The following ANK1 variants were observed in gnomAD, a reference collection of about 807,000 sequenced individuals.
ANK1 encodes ankyrin 1, also known as ankyrin-1.
Under a neutral mutation model 210.4 loss-of-function variants are expected in ANK1, and 51 were observed. The ratio of observed to expected loss-of-function variants is 0.24; its 90% CI spans 0.19 to 0.31. The LOEUF is 0.31. Among genes scored for constraint, ANK1 ranks in the 10% least tolerant of loss-of-function variants. ANK1 has a pLI of 1.00. For missense variants in ANK1, 2,051 were observed against 2,504.4 expected, an observed-to-expected ratio of 0.82 and a Z score of 3.86; for synonymous variants, 967 against 1,025.9, an observed-to-expected ratio of 0.94 and a Z score of 1.10.
At chr8:41,836,412 TAG>T (rs1248367626) in intron 1 of ANK1, among the ~76,000 whole-genome samples, 17 of 152,242 alleles carry the variant, frequency 1.1e-4, no homozygotes, top group South Asian at 4.1e-4. Flanking sequence ...ACCATGTGAC[TAG>T]AGAGGAGGAA....
chr8:41,768,935 C>T (rs922233739), intron 1 of ANK1, among the ~76,000 whole-genome samples: 2 of 152,040 alleles, frequency 1.3e-5, no homozygotes, highest in African/African-American at 4.8e-5. Context: ...TGCAACACTG[C>T]GCTCCAGCCC....
At chr8:41,816,770 G>A (rs1285959914) in intron 1 of ANK1, among the ~76,000 whole-genome samples, 1 of 152,158 alleles carries the variant, frequency 6.6e-6, no homozygotes, top group Non-Finnish European at 1.5e-5. Flanking sequence ...GTTACATGAA[G>A]TTGAAAAGCA....
chr8:41,713,260 G>A (rs752011896), intron 16 of ANK1, among the ~76,000 whole-genome samples: 13 of 152,210 alleles, frequency 8.5e-5, no homozygotes, highest in East Asian at 3.8e-4. Context: ...CGGGTACTGC[G>A]TGTGGCTTTT....
chr8:41,753,593 T>A (rs1278991869), intron 2 of ANK1, among the ~76,000 whole-genome samples: 5 of 152,176 alleles, frequency 3.3e-5, no homozygotes, highest in Admixed American at 3.3e-4. Flanking sequence ...GTTACATGAA[T>A]GTACTGCATG....
intron 1 of ANK1, among the ~76,000 whole-genome samples, chr8:41,764,451 A>G (rs1841289201): frequency 6.6e-6 from 1 of 152,240 alleles, no homozygotes; most frequent in African/African-American, 2.4e-5. Context: ...CCCAAAAAAC[A>G]ACAGCAACAA....
At chr8:41,706,809 G>C (rs1177057365) in intron 17 of ANK1, among the ~76,000 whole-genome samples, 1 of 152,222 alleles carries the variant, frequency 6.6e-6, no homozygotes, top group East Asian at 1.9e-4. Context: ...ACACAGTGCT[G>C]TTTAAATGGC....
Position 41,723,235 on chromosome 8 carries a change from A to G in ANK1, c.811-12T>C, listed in dbSNP as rs746844962. The G allele has an allele frequency of 2.5e-6, 4 of 1,614,036 alleles. No homozygotes were observed. In the South Asian group the frequency reaches 4.4e-5, roughly 18 times the overall value. On this transcript the variant is annotated splice_polypyrimidine_tract_variant and intron_variant, in intron 8 of 42. Coordinates refer to ENST00000289734, the MANE Select transcript of ANK1 (RefSeq NM_000037.4). The stretch of plus-strand genomic sequence containing the variant: ...GGTGTCAATTCGTCCTTTAAAAGAC[A>G]GAGTCAAAAACAGAAAGCCCAAAAG...
At chr8:41,697,656 GC>G in intron 24 of ANK1, 1 of 350,034 alleles carries the variant, frequency 2.9e-6, no homozygotes, top group South Asian at 2.3e-5. Context: ...CAGGTGTCCA[GC>G]CCTCCTGCCT....
rs867997511 is a variant in ANK1, at chr8:41,703,444, A to T, written c.2295+597T>A. The stretch of plus-strand genomic sequence containing the variant: ...TGTGTATATATATATATATATATAT[A>T]TATATATTTTTTTTTTTTTTTTAAG... On this transcript the variant is annotated intron_variant, in intron 20 of 42. Transcript: ENST00000289734. Among the ~76,000 whole-genome samples, 172 of 62,360 alleles carry T rather than the reference A, an allele frequency of 2.8e-3. 4 individuals are homozygous for T. Among genetic ancestry groups the T allele is most frequent in the African/African-American group, 0.011 (167 of 14,912 alleles). 40.9% of individuals were successfully genotyped at this position (62,360 alleles called of 152,430 possible).
chr8:41,846,462 T>TGTC (rs1327940726), intron 1 of ANK1, among the ~76,000 whole-genome samples: 1 of 152,226 alleles, frequency 6.6e-6, no homozygotes, highest in Non-Finnish European at 1.5e-5. Context: ...TGCAGACGTG[T>TGTC]GTCACCTGCC....
intron 7 of ANK1, 81 bp from the exon 8 acceptor site, chr8:41,723,714 C>T: frequency 8.1e-7 from 1 of 1,233,706 alleles, no homozygotes. Flanking sequence ...CCCTTGTCCC[C>T]AGCCCCCAGT....
chr8:41,732,262 G>A (rs1312753602), intron 3 of ANK1, among the ~76,000 whole-genome samples: 8 of 152,092 alleles, frequency 5.3e-5, no homozygotes, highest in Admixed American at 2.6e-4. Flanking sequence ...GTGAGACCAC[G>A]TGTAATATAT....
At chr8:41,733,803 G>C (rs1832782003) in intron 3 of ANK1, among the ~76,000 whole-genome samples, 168 bp downstream of exon 3, 1 of 152,206 alleles carries the variant, frequency 6.6e-6, no homozygotes, top group South Asian at 2.1e-4. Flanking sequence ...TCTGGAAATG[G>C]GGTCTGTTTC....
chr8:41,842,688 C>T (rs1047245096), intron 1 of ANK1, among the ~76,000 whole-genome samples: 7 of 152,030 alleles, frequency 4.6e-5, no homozygotes, highest in South Asian at 2.1e-4. Context: ...AGGGGCCTCC[C>T]GGGGAATTAA....
At chr8:41,876,118 G>C (rs1816535080) in intron 1 of ANK1, among the ~76,000 whole-genome samples, 1 of 152,090 alleles carries the variant, frequency 6.6e-6, no homozygotes, top group Non-Finnish European at 1.5e-5. Flanking sequence ...CGACTTCCTT[G>C]TCCTAGAGCT....
In ANK1 at chr8:41,728,101, C is replaced by T. The variant is rs1192337449; in HGVS notation, c.229-95G>A. On this transcript the variant is annotated intron_variant, in intron 3 of 42. Transcript: ENST00000289734. ...GTGGACAGGTGCTGCTTGAGGGACC[C>T]GGGGGCTTTCTTCATGGCCAAAAGG... is the stretch of plus-strand genomic sequence containing the variant. 1.4e-5 allele frequency: 18 copies of T among 1,252,384 alleles called. 1 individual carries two copies. Among genetic ancestry groups the T allele is most frequent in the East Asian group, 1.4e-4 (6 of 42,272 alleles). 77.6% of individuals were successfully genotyped at this position (1,252,384 alleles called of 1,614,324 possible).
At chr8:41,698,390 C>T (rs930012112) in intron 23 of ANK1, among the ~76,000 whole-genome samples, 1 of 152,232 alleles carries the variant, frequency 6.6e-6, no homozygotes, top group African/African-American at 2.4e-5. Flanking sequence ...TACATGACCA[C>T]TTGGTGTGCA....
chr8:41,747,125 T>C (rs889493215), intron 2 of ANK1, among the ~76,000 whole-genome samples: 3 of 152,186 alleles, frequency 2.0e-5, no homozygotes, highest in African/African-American at 4.8e-5. Flanking sequence ...CCAAGATTCA[T>C]ATAAACTGTT....
intron 1 of ANK1, among the ~76,000 whole-genome samples, chr8:41,827,685 TACACACTC>T (rs1318390673): frequency 8.2e-6 from 1 of 122,630 alleles, no homozygotes; most frequent in Admixed American, 7.5e-5. Context: ...CCCTCATATA[TACACACTC>T]ACACACACTC....
Sources: allele counts gnomAD v4.1 joint callset (sites outside exome capture counted in the v4.1 genomes callset), GRCh38; gene constraint gnomAD v4.1.1; transcripts MANE v1.5; gene names NCBI Gene and HGNC (gene_info 2026-07-23, HGNC 2026-07-21).